Variants in PPP6C observed in about 807,000 individuals in gnomAD.
PPP6C encodes serine/threonine-protein phosphatase 6 catalytic subunit.
A neutral mutation model predicts 39.8 loss-of-function variants in PPP6C; 11 were observed. That is an observed-to-expected ratio of 0.28 (90% CI 0.17 to 0.46). The LOEUF (loss-of-function observed/expected upper bound fraction) is 0.46, where lower values mean the gene tolerates loss of function less well. PPP6C is among the 20% of genes least tolerant of loss of function. The pLI, the probability that PPP6C is intolerant of heterozygous loss-of-function variation, is 1.00. For synonymous variants in PPP6C, 129 were observed against 130.3 expected, an observed-to-expected ratio of 0.99 and a Z score of 0.07; for missense variants, 211 against 373.9, an observed-to-expected ratio of 0.56 and a Z score of 3.59.
At chr9:125,186,850 G>A (rs1474865405) in intron 1 of PPP6C, among the ~76,000 whole-genome samples, 4 of 151,208 alleles carry the variant, frequency 2.6e-5, no homozygotes, top group Non-Finnish European at 1.5e-5. Context: ...AAATAAAATG[G>A]TCTAAAAATT....
intron 1 of PPP6C, chr9:125,189,077 TAA>T (rs1236425300): frequency 1.5e-6 from 1 of 660,296 alleles, no homozygotes; most frequent in Admixed American, 2.5e-5. Context: ...CCGACGATCC[TAA>T]AAAGCAATTT....
intron 2 of PPP6C, among the ~76,000 whole-genome samples, chr9:125,164,177 A>C (rs1208255165): frequency 2.0e-5 from 3 of 150,390 alleles, no homozygotes; most frequent in Non-Finnish European, 4.4e-5. Flanking sequence ...CCTCATCGTC[A>C]AATAATATCT....
chr9:125,172,389 A>G (rs1192244740), intron 1 of PPP6C, among the ~76,000 whole-genome samples: 1 of 151,874 alleles, frequency 6.6e-6, no homozygotes, highest in East Asian at 1.9e-4. Flanking sequence ...TAATTTTTGT[A>G]TTCTTAGTAG....
chr9:125,188,461 T>C (rs1829579719), intron 1 of PPP6C, among the ~76,000 whole-genome samples: 1 of 151,776 alleles, frequency 6.6e-6, no homozygotes, highest in Non-Finnish European at 1.5e-5. Flanking sequence ...AGCTCTGATT[T>C]CAGCAAATGC....
intron 6 of PPP6C, chr9:125,151,691 A>ACAAGCT: frequency 8.3e-6 from 4 of 482,128 alleles, no homozygotes; most frequent in Non-Finnish European, 1.2e-5. Flanking sequence ...AGCTTGCTCC[A>ACAAGCT]GTGTAGCTTT....
intron 1 of PPP6C, among the ~76,000 whole-genome samples, chr9:125,184,272 C>T (rs528309286): frequency 2.0e-5 from 3 of 152,132 alleles, no homozygotes; most frequent in African/African-American, 7.2e-5. Flanking sequence ...TCTGTAGTCC[C>T]AGCTACTTGG....
chr9:125,166,118 CCT>C (rs1380138276), intron 2 of PPP6C, among the ~76,000 whole-genome samples: 1 of 151,916 alleles, frequency 6.6e-6, no homozygotes, highest in Admixed American at 6.6e-5. Context: ...TCTTTCATAC[CCT>C]GTTACATTTG....
At chr9:125,177,992 C>T (rs1039206342) in intron 1 of PPP6C, among the ~76,000 whole-genome samples, 1 of 152,110 alleles carries the variant, frequency 6.6e-6, no homozygotes, top group Non-Finnish European at 1.5e-5. Context: ...CTCATTTCTT[C>T]TTAGCACTGC....
intron 1 of PPP6C, among the ~76,000 whole-genome samples, chr9:125,177,611 TC>T (rs1317177511): frequency 2.6e-5 from 4 of 152,064 alleles, no homozygotes; most frequent in East Asian, 1.9e-4. Context: ...CCCCACAGCC[TC>T]CCCGCATCAA....
At chr9:125,160,244 C>T (rs1828828814) in intron 3 of PPP6C, among the ~76,000 whole-genome samples, 1 of 152,122 alleles carries the variant, frequency 6.6e-6, no homozygotes, top group Admixed American at 6.6e-5. Context: ...TTGCCTTAAA[C>T]CAGGGGTTCT....
intron 1 of PPP6C, among the ~76,000 whole-genome samples, chr9:125,176,376 C>A (rs1829297919): frequency 6.6e-6 from 1 of 152,186 alleles, no homozygotes; most frequent in Admixed American, 6.5e-5. Flanking sequence ...AACAAACTGG[C>A]CAGGCGTGGT....
At chr9:125,161,397 G>C (rs1828873799) in intron 2 of PPP6C, among the ~76,000 whole-genome samples, 1 of 152,120 alleles carries the variant, frequency 6.6e-6, no homozygotes, top group South Asian at 2.1e-4. Flanking sequence ...CAGCCATGGA[G>C]TGTCTCCTCA....
At chr9:125,157,986 G>C (rs546120520) in intron 4 of PPP6C, among the ~76,000 whole-genome samples, 1 of 152,124 alleles carries the variant, frequency 6.6e-6, no homozygotes, top group Admixed American at 6.6e-5. Flanking sequence ...ACCCCACCCG[G>C]CCGGCAATCT....
At chr9:125,153,490 A>G in intron 6 of PPP6C, 43 bp downstream of exon 6, 1 of 1,571,374 alleles carries the variant, frequency 6.4e-7, no homozygotes, top group Non-Finnish European at 8.7e-7. Context: ...TATGCAGCCC[A>G]TTAGCAATCC....
At chr9:125,159,650 T>C (rs1437860680) in intron 3 of PPP6C, among the ~76,000 whole-genome samples, 1 of 152,202 alleles carries the variant, frequency 6.6e-6, no homozygotes, top group Non-Finnish European at 1.5e-5. Flanking sequence ...TATATGATAA[T>C]ATACTATTTA....
In PPP6C at chr9:125,149,188, G is replaced by GT. The variant is rs916912185; in HGVS notation, c.*484dup. On this transcript the variant is annotated 3_prime_UTR_variant, in exon 7 of 7. Transcript: ENST00000373547. ...ATATCATCCAACAAAGGACAATGAA[G>GT]TTTACATCTGGGACAGGTATACATA... 4.6e-5 allele frequency: 7 copies of GT among 152,654 alleles called. No individual in the cohort carries two copies. Among genetic ancestry groups the GT allele is most frequent in the African/African-American group, 1.7e-4 (7 of 41,460 alleles). The allele number at this position is 152,654 out of a possible 1,614,324, so 9.5% of individuals were successfully genotyped here.
At chr9:125,185,662 C>G in intron 1 of PPP6C, among the ~76,000 whole-genome samples, 1 of 150,636 alleles carries the variant, frequency 6.6e-6, no homozygotes, top group East Asian at 2.0e-4. Context: ...CACCTGCACT[C>G]TAGCCTGGGC....
intron 2 of PPP6C, among the ~76,000 whole-genome samples, chr9:125,170,182 A>G (rs1007386754): frequency 6.6e-6 from 1 of 152,136 alleles, no homozygotes; most frequent in Non-Finnish European, 1.5e-5. Flanking sequence ...ACATGAGACT[A>G]AACACTGACA....
intron 1 of PPP6C, among the ~76,000 whole-genome samples, chr9:125,185,787 C>T (rs1378202328): frequency 1.3e-5 from 2 of 151,862 alleles, no homozygotes; most frequent in Non-Finnish European, 2.9e-5. Flanking sequence ...GAGTTCGAGA[C>T]CAGCCTGAAC....
Sources: allele counts gnomAD v4.1 joint callset (sites outside exome capture counted in the v4.1 genomes callset), GRCh38; gene constraint gnomAD v4.1.1; transcripts MANE v1.5; gene names NCBI Gene and HGNC (gene_info 2026-07-23, HGNC 2026-07-21).